DUSP29: variants seen among roughly 807,000 people sequenced by gnomAD.
DUSP29 encodes the protein dual specificity phosphatase 29.
In DUSP29, 12 loss-of-function variants were observed where a neutral mutation model predicts 13.5. The observed-to-expected ratio is 0.89, with a 90% confidence interval of 0.57 to 1.44. DUSP29 has a LOEUF of 1.44. DUSP29 is among the 40% of genes most tolerant of loss of function. The probability of loss-of-function intolerance (pLI) is 0.00; values close to 1 mark genes in which losing one functional copy is unlikely to be tolerated. For missense variants in DUSP29, 308 were observed against 301.1 expected (o/e 1.02, Z -0.17); for synonymous variants, 134 against 128.7 (o/e 1.04, Z -0.28).
rs539986639 is a variant in DUSP29, at chr10:75,070,994, C to T, written c.-35+2575G>A. Among the ~76,000 whole-genome samples the T allele has an allele frequency of 1.0e-3, 156 of 152,346 alleles. 1 individual carries two copies. Among genetic ancestry groups the T allele is most frequent in the Non-Finnish European group, 2.0e-3 (139 of 68,034 alleles). On this transcript the variant is annotated intron_variant, in intron 1 of 3. Transcript: ENST00000338487. The stretch of plus-strand genomic sequence containing the variant: ...TGGAGTGGCTGTTTCCAGGCCGGGC[C>T]TCCCTGAGACAGGGGCCCTGGTTGG...
intron 2 of DUSP29, among the ~76,000 whole-genome samples, chr10:75,046,669 G>T (rs1319752814): frequency 6.6e-6 from 1 of 152,238 alleles, no homozygotes; most frequent in Non-Finnish European, 1.5e-5. Context: ...CCTCCACTTG[G>T]CTCTTAGTGT....
chr10:75,057,423 G>C lies in DUSP29; in HGVS notation c.200+892C>G, dbSNP rs547837603. 2.5e-4 allele frequency among the ~76,000 whole-genome samples: 38 copies of C among 152,316 alleles called. 1 individual carries two copies. In the South Asian group the frequency reaches 7.7e-3, roughly 31 times the overall value. ...GCAGTTAAGAACAAGCCTCTGGGTT[G>C]GGCAGAGCTGCATTTTAATCCCAGC... On this transcript the variant is annotated intron_variant, in intron 2 of 3. Transcript: ENST00000338487.
At chr10:75,051,457 G>A (rs1052203407) in intron 2 of DUSP29, among the ~76,000 whole-genome samples, 7 of 152,228 alleles carry the variant, frequency 4.6e-5, no homozygotes, top group African/African-American at 1.7e-4. Context: ...CAGACACTGT[G>A]GACCCAGAGC....
intron 2 of DUSP29, among the ~76,000 whole-genome samples, chr10:75,045,120 G>A (rs937406454): frequency 6.6e-6 from 1 of 152,238 alleles, no homozygotes; most frequent in Non-Finnish European, 1.5e-5. Flanking sequence ...ACTTTCGGAA[G>A]CCGAGGCAGG....
chr10:75,073,341 A>T (rs1460732926), intron 1 of DUSP29, among the ~76,000 whole-genome samples: 1 of 152,226 alleles, frequency 6.6e-6, no homozygotes, highest in Non-Finnish European at 1.5e-5. Flanking sequence ...TCCTTTAGAA[A>T]TGGTCGTTGA....
At chr10:75,049,522 C>T (rs900092044) in intron 2 of DUSP29, among the ~76,000 whole-genome samples, 3 of 152,212 alleles carry the variant, frequency 2.0e-5, no homozygotes, top group Admixed American at 6.5e-5. Context: ...TCTCCCCGAC[C>T]GTCTTGCCTG....
chr10:75,049,624 G>T (rs993959187), intron 2 of DUSP29, among the ~76,000 whole-genome samples: 1 of 152,228 alleles, frequency 6.6e-6, no homozygotes, highest in African/African-American at 2.4e-5. Context: ...TCGCAACCTT[G>T]ACTGTTTTTT....
chr10:75,062,678 A>G (rs185048937), intron 1 of DUSP29, among the ~76,000 whole-genome samples: 2 of 152,292 alleles, frequency 1.3e-5, no homozygotes, highest in East Asian at 1.9e-4. Context: ...CCCTCTCTGC[A>G]TGGCTCCCAA....
At chr10:75,067,056 C>T (rs571797158) in intron 1 of DUSP29, among the ~76,000 whole-genome samples, 1 of 147,438 alleles carries the variant, frequency 6.8e-6, no homozygotes, top group South Asian at 2.1e-4. Context: ...CTCTTGGGTT[C>T]AAGCAATTCT....
At chr10:75,053,706 G>C (rs1010698153) in intron 2 of DUSP29, among the ~76,000 whole-genome samples, 1 of 142,234 alleles carries the variant, frequency 7.0e-6, no homozygotes, top group Non-Finnish European at 1.5e-5. Flanking sequence ...TTTTTTTTTT[G>C]ATCTGGATTT....
intron 1 of DUSP29, among the ~76,000 whole-genome samples, chr10:75,066,816 C>T (rs962502716): frequency 2.6e-5 from 4 of 152,138 alleles, no homozygotes; most frequent in Non-Finnish European, 5.9e-5. Context: ...GTGTCCTCCC[C>T]GAGGCTGCCC....
rs151314903 is a variant in DUSP29, at chr10:75,066,514, C to T, written c.-35+7055G>A. Among the ~76,000 whole-genome samples the T allele has an allele frequency of 7.0e-3, 1,072 of 152,258 alleles. 9 individuals carry two copies. The highest frequency in any genetic ancestry group is 0.024 in the Middle Eastern group (7 of 294). Reference sequence around the variant, plus strand: ...CCAAAATATTAACACTGGCTACATGCTCGTTTTAGGGTGACGAAATTATAT... The same window carrying T: ...CCAAAATATTAACACTGGCTACATGTTCGTTTTAGGGTGACGAAATTATAT... On this transcript the variant is annotated intron_variant, in intron 1 of 3. Transcript: ENST00000338487.
At chr10:75,073,192 C>CCT (rs149762126) in intron 1 of DUSP29, among the ~76,000 whole-genome samples, 1 of 151,018 alleles carries the variant, frequency 6.6e-6, no homozygotes, top group East Asian at 1.9e-4. Context: ...CACTCCAGGG[C>CCT]CTCTCTCTCT....
At chr10:75,056,539 T>C (rs1008995292) in intron 2 of DUSP29, among the ~76,000 whole-genome samples, 1 of 150,180 alleles carries the variant, frequency 6.7e-6, no homozygotes, top group African/African-American at 2.5e-5. Context: ...TGGTGGCGCA[T>C]GCCTGTAATC....
rs570489637 is a variant in DUSP29 at position 75,054,838 on chromosome 10, A to G, written c.200+3477T>C. Among the ~76,000 whole-genome samples the G allele has an allele frequency of 3.2e-3, 494 of 152,076 alleles. 4 individuals carry two copies. The highest frequency in any genetic ancestry group is 0.011 in the African/African-American group (470 of 41,498). On this transcript the variant is annotated intron_variant, in intron 2 of 3. Coordinates refer to ENST00000338487, the MANE Select transcript of DUSP29 (RefSeq NM_001003892.3). ...AGACTTCTCTATTTACACAATGAGC[A>G]TATGTTACTTTTTTTTTTTGAGACA...
At chr10:75,044,164 A>AACCGGTC in intron 2 of DUSP29, 147 bp from the exon 3 acceptor site, 1 of 791,698 alleles carries the variant, frequency 1.3e-6, no homozygotes, top group South Asian at 1.8e-5. Context: ...CTCTGCTCTT[A>AACCGGTC]CCCGGTCCCC....
chr10:75,062,182 C>T (rs903047425), intron 1 of DUSP29, among the ~76,000 whole-genome samples: 1 of 152,222 alleles, frequency 6.6e-6, no homozygotes, highest in Non-Finnish European at 1.5e-5. Flanking sequence ...TTGCTTCAGG[C>T]CCACAGTGTC....
In DUSP29 at chr10:75,037,689, C is replaced by T; in HGVS notation, c.*147G>A. 7.2e-7 allele frequency: 1 copy of T among 1,396,768 alleles called. No homozygotes were observed. Among genetic ancestry groups the T allele is most frequent in the South Asian group, 1.4e-5 (1 of 71,640 alleles). 86.5% of individuals were successfully genotyped at this position (1,396,768 alleles called of 1,614,324 possible). ...GGGGGCAGCTCTGGGTCCTCCCTGTCCCCAGCACACATGGGGAAGTTGAAC... is the reference window on the plus strand; with the variant it reads ...GGGGGCAGCTCTGGGTCCTCCCTGTTCCCAGCACACATGGGGAAGTTGAAC... On this transcript the variant is annotated 3_prime_UTR_variant, in exon 4 of 4. Transcript: ENST00000338487.
intron 1 of DUSP29, among the ~76,000 whole-genome samples, chr10:75,068,024 G>T (rs903888296): frequency 6.6e-6 from 1 of 152,238 alleles, no homozygotes; most frequent in Non-Finnish European, 1.5e-5. Flanking sequence ...TGTTGGCTAG[G>T]CTGGTCTTGA....
Sources: gnomAD v4.1 joint callset for allele counts (sites outside exome capture counted in the v4.1 genomes callset) on GRCh38, gnomAD v4.1.1 for gene constraint, MANE v1.5 for transcripts, NCBI Gene and HGNC (gene_info 2026-07-23, HGNC 2026-07-21) for gene names.